SIK3: variants seen among roughly 807,000 people sequenced by gnomAD.
SIK3 encodes SIK family kinase 3, also known as serine/threonine-protein kinase SIK3.
Under a neutral mutation model 144.2 loss-of-function variants are expected in SIK3, and 28 were observed. The ratio of observed to expected loss-of-function variants is 0.19; its 90% CI spans 0.14 to 0.27. The LOEUF is 0.27. SIK3 is among the 10% of genes least tolerant of loss of function. The pLI, the probability that SIK3 is intolerant of heterozygous loss-of-function variation, is 1.00. For synonymous variants in SIK3, 686 were observed against 676.3 expected, an observed-to-expected ratio of 1.01 and a Z score of -0.22; for missense variants, 1,319 against 1,776.0, an observed-to-expected ratio of 0.74 and a Z score of 4.62.
chr11:117,023,285 A>G (rs1951848687), intron 1 of SIK3, among the ~76,000 whole-genome samples: 1 of 152,112 alleles, frequency 6.6e-6, no homozygotes, highest in Non-Finnish European at 1.5e-5. Context: ...TGTTCTCTGA[A>G]GTTCCCTTAT....
intron 3 of SIK3, among the ~76,000 whole-genome samples, chr11:116,950,434 G>A (rs1948880740): frequency 6.6e-6 from 1 of 152,186 alleles, no homozygotes. Context: ...GTTGTTATCT[G>A]ACCTGAGAAA....
At chr11:117,016,399 GGAAGGAAGGAAGGAAGGAAGGAA>G (rs1951537901) in intron 1 of SIK3, among the ~76,000 whole-genome samples, 1 of 107,984 alleles carries the variant, frequency 9.3e-6, no homozygotes, top group African/African-American at 3.6e-5. Context: ...AGGGAGGGAA[GGAAGGAAGGAAGGAAGGAAGGAA>G]GGAAGGAAGG....
intron 21 of SIK3, among the ~76,000 whole-genome samples, chr11:116,850,660 G>C (rs1284633682): frequency 1.3e-5 from 2 of 152,160 alleles, no homozygotes; most frequent in Non-Finnish European, 2.9e-5. Flanking sequence ...ATGTATGTCT[G>C]TGAATCTTCA....
chr11:117,081,580 C>G (rs141474528), intron 1 of SIK3, among the ~76,000 whole-genome samples: 3,743 of 152,160 alleles, frequency 0.025, 87 homozygotes, highest in South Asian at 0.11. Flanking sequence ...GCCGAGATGG[C>G]GCCACTGCAC....
At chr11:116,891,312 G>A (rs12285074) in intron 6 of SIK3, among the ~76,000 whole-genome samples, 24,695 of 152,004 alleles carry the variant, frequency 0.16, 2,650 homozygotes, top group East Asian at 0.52. Context: ...GCGAGACTCC[G>A]TCTCAAAAAA....
In SIK3 at chr11:116,863,733, T is replaced by C. The variant is rs567867144; in HGVS notation, c.2038A>G (p.Ile680Val). 6.2e-7 allele frequency: 1 copy of C among 1,614,198 alleles called. No individual in the cohort carries two copies. Among genetic ancestry groups the C allele is most frequent in the East Asian group, 2.2e-5 (1 of 44,880 alleles). ...VRRFSDGAAS[I>V]QAFKAHLEKM... ...TCCAGGTGAGCTTTGAAGGCCTGGATGCTCGCAGCCCCATCTGAGAACCGG... is the reference window on the plus strand; with the variant it reads ...TCCAGGTGAGCTTTGAAGGCCTGGACGCTCGCAGCCCCATCTGAGAACCGG... The change falls in exon 16 of 25, where the codon ATC (isoleucine) becomes GTC (valine). Residue 680 changes from isoleucine (I) to valine (V), a missense_variant. Around this residue, in one of 8 missense-constraint regions of SIK3, gnomAD observed 77 missense variants for 141.9 expected, o/e 0.54. Coordinates refer to ENST00000445177, the MANE Select transcript of SIK3 (RefSeq NM_001366686.3).
At chr11:117,080,282 G>A (rs570428757) in intron 1 of SIK3, among the ~76,000 whole-genome samples, 1 of 152,040 alleles carries the variant, frequency 6.6e-6, no homozygotes, top group African/African-American at 2.4e-5. Flanking sequence ...ACACTCTCAA[G>A]CTGAGTGAAT....
At chr11:116,935,190 G>GT in intron 3 of SIK3, among the ~76,000 whole-genome samples, 1 of 152,130 alleles carries the variant, frequency 6.6e-6, no homozygotes, top group Non-Finnish European at 1.5e-5. Context: ...CGAGGCTGCA[G>GT]TGAGCTATGA....
intron 6 of SIK3, among the ~76,000 whole-genome samples, chr11:116,890,751 G>T (rs1441661106): frequency 6.6e-6 from 1 of 152,104 alleles, no homozygotes. Context: ...GGGTGGAGTG[G>T]GGTGGGATAG....
At chr11:116,882,079 C>T (rs1357545775) in intron 6 of SIK3, among the ~76,000 whole-genome samples, 6 of 152,210 alleles carry the variant, frequency 3.9e-5, no homozygotes, top group African/African-American at 1.4e-4. Context: ...TCTGGCAGAT[C>T]AGATGCCATG....
intron 19 of SIK3, among the ~76,000 whole-genome samples, chr11:116,860,066 G>A (rs1008397867): frequency 1.3e-5 from 2 of 152,204 alleles, no homozygotes; most frequent in East Asian, 1.9e-4. Flanking sequence ...CCACCATGGC[G>A]AAACCCTGTC....
intron 1 of SIK3, among the ~76,000 whole-genome samples, chr11:117,085,497 C>T (rs576574644): frequency 2.1e-4 from 32 of 152,040 alleles, no homozygotes; most frequent in African/African-American, 7.5e-4. Flanking sequence ...AAATATCTAC[C>T]GATGAAATGA....
intron 1 of SIK3, among the ~76,000 whole-genome samples, chr11:116,975,200 CTTTA>C (rs1949903637): frequency 6.9e-6 from 1 of 145,666 alleles, no homozygotes; most frequent in Non-Finnish European, 1.5e-5. Flanking sequence ...AAAAAAGCAG[CTTTA>C]TTGAGATATT....
Position 117,028,417 on chromosome 11 carries a change from A to C in SIK3, c.273+69726T>G, listed in dbSNP as rs149211117. ...CTAGGCGGTAGAAAGCATGTGTTAC[A>C]ATCTAGTATAATAGGGACAGCTTAA... On this transcript the variant is annotated intron_variant, in intron 1 of 24. Transcript: ENST00000445177. Among the ~76,000 whole-genome samples, 46 of 152,246 alleles carry C rather than the reference A, an allele frequency of 3.0e-4. No homozygotes were observed. The East Asian group carries it at 7.9e-3, about 26-fold the overall frequency.
intron 1 of SIK3, among the ~76,000 whole-genome samples, chr11:116,967,521 G>T (rs1949602482): frequency 6.6e-6 from 1 of 152,200 alleles, no homozygotes; most frequent in African/African-American, 2.4e-5. Flanking sequence ...TCTGCGTGAA[G>T]TAGCAGGAGC....
At chr11:116,963,064 T>A (rs1949405362) in intron 1 of SIK3, among the ~76,000 whole-genome samples, 1 of 152,224 alleles carries the variant, frequency 6.6e-6, no homozygotes, top group Non-Finnish European at 1.5e-5. Context: ...AATTGCCAAC[T>A]GTCTATCTCA....
At chr11:116,885,782 G>A (rs1340851452) in intron 6 of SIK3, among the ~76,000 whole-genome samples, 2 of 152,042 alleles carry the variant, frequency 1.3e-5, no homozygotes, top group African/African-American at 4.8e-5. Flanking sequence ...AGACTGCCTG[G>A]GTTCAAATCT....
At chr11:117,014,564 T>G in intron 1 of SIK3, among the ~76,000 whole-genome samples, 1 of 151,340 alleles carries the variant, frequency 6.6e-6, no homozygotes, top group East Asian at 1.9e-4. Context: ...AAGATATCTG[T>G]AACAAGTACA....
At chr11:116,916,669 C>G (rs1015931038) in intron 4 of SIK3, among the ~76,000 whole-genome samples, 4 of 151,850 alleles carry the variant, frequency 2.6e-5, no homozygotes, top group Admixed American at 2.6e-4. Context: ...TGCCACCACG[C>G]CCGGCTAATT....
Sources: allele counts gnomAD v4.1 joint callset (sites outside exome capture counted in the v4.1 genomes callset), GRCh38; gene constraint gnomAD v4.1.1; regional missense constraint gnomAD v4.1.1; transcripts MANE v1.5; gene names NCBI Gene and HGNC (gene_info 2026-07-23, HGNC 2026-07-21).